The following RIMKLA variants were observed in gnomAD, a reference collection of about 807,000 sequenced individuals.
RIMKLA encodes the protein ribosomal modification protein rimK like family member A, also known as N-acetylaspartylglutamate synthase A.
RIMKLA carries 14 observed loss-of-function variants against 32.7 expected under a neutral mutation model. The ratio of observed to expected loss-of-function variants is 0.43; its 90% CI spans 0.28 to 0.67. The LOEUF is 0.67. Ranked by LOEUF, RIMKLA falls within the 30% of genes least tolerant of loss-of-function variation. RIMKLA has a pLI of 0.18. For missense variants in RIMKLA, 410 were observed against 519.0 expected (o/e 0.79, Z 2.04); for synonymous variants, 176 against 204.1 (o/e 0.86, Z 1.18).
At chr1:42,392,638 G>A (rs1643009138) in intron 1 of RIMKLA, among the ~76,000 whole-genome samples, 5 of 152,110 alleles carry the variant, frequency 3.3e-5, no homozygotes, top group Admixed American at 2.6e-4. Flanking sequence ...CATGCCCCTG[G>A]AGCAGCCTTA....
At chr1:42,391,135 A>G (rs1413411313) in intron 1 of RIMKLA, among the ~76,000 whole-genome samples, 1 of 152,198 alleles carries the variant, frequency 6.6e-6, no homozygotes, top group Non-Finnish European at 1.5e-5. Flanking sequence ...CACAAAGTCT[A>G]GAATGTAACC....
At chr1:42,401,792 C>G (rs1225630445) in intron 2 of RIMKLA, among the ~76,000 whole-genome samples, 7 of 152,074 alleles carry the variant, frequency 4.6e-5, no homozygotes. Context: ...GATGCAGGGT[C>G]AAAGAATAGG....
chr1:42,393,619 G>T (rs771843451), intron 1 of RIMKLA, among the ~76,000 whole-genome samples: 27 of 126,704 alleles, frequency 2.1e-4, no homozygotes, highest in Non-Finnish European at 4.2e-4. Flanking sequence ...GCATCTACTT[G>T]TTAAAAATAA....
intron 3 of RIMKLA, among the ~76,000 whole-genome samples, chr1:42,409,089 C>G (rs760294957): frequency 1.3e-4 from 20 of 151,216 alleles, no homozygotes; most frequent in Non-Finnish European, 2.8e-4. Flanking sequence ...GTAATCCCAG[C>G]TACTCCAGAG....
At chr1:42,385,763 C>T (rs58337196) in intron 1 of RIMKLA, among the ~76,000 whole-genome samples, 3 of 92,564 alleles carry the variant, frequency 3.2e-5, no homozygotes, top group Non-Finnish European at 2.4e-5. Context: ...TTCTTTCTTT[C>T]TTTCTTTGTT....
At chr1:42,411,647 ATTAT>A (rs199789074) in intron 4 of RIMKLA, among the ~76,000 whole-genome samples, 2,590 of 144,182 alleles carry the variant, frequency 0.018, 71 homozygotes, top group African/African-American at 0.053. Context: ...TTTTATTTTT[ATTAT>A]TTATTTATTT....
rs1171986843 is a variant in RIMKLA, at chr1:42,399,605, G to T, written c.365G>T (p.Gly122Val). Reference protein sequence around the residue: ...FWTFQELAGHGVPMPDTFSYG... With the variant: ...FWTFQELAGHVVPMPDTFSYG... ...ACGTTCCAAGAACTGGCTGGACATG[G>T]GGTCCCCATGCCAGACACCTTCTCC... is the stretch of plus-strand genomic sequence containing the variant. Residue 122 changes from glycine (G) to valine (V), a missense_variant, in exon 2 of 5, where the codon GGG becomes GTG. Physicochemically the swap from Gly to Val is moderately radical, Grantham distance 109 (BLOSUM62 -3). Transcript: ENST00000431473. 1 of 1,610,408 alleles carries T rather than the reference G, an allele frequency of 6.2e-7. No individual in the cohort carries two copies. The highest frequency in any genetic ancestry group is 8.5e-7 in the Non-Finnish European group (1 of 1,178,408).
Position 42,417,035 on chromosome 1 carries a change from T to C in RIMKLA, c.*2061T>C, listed in dbSNP as rs773665118. On this transcript the variant is annotated 3_prime_UTR_variant, in exon 5 of 5. Transcript: ENST00000431473. ...AGGGTGGCTTTAAAAGACGGACAGC[T>C]TTAGGTTTGTTCTCACTGGAACTGG... 2 of 152,244 alleles carry C rather than the reference T, an allele frequency of 1.3e-5. No individual in the cohort carries two copies. Among genetic ancestry groups the C allele is most frequent in the African/African-American group, 2.4e-5 (1 of 41,466 alleles). 9.4% of individuals were successfully genotyped at this position (152,244 alleles called of 1,614,324 possible). A position where few individuals can be genotyped will look rare whatever the true frequency, so the allele number is the denominator to read the frequency against.
At chr1:42,412,676 C>T in intron 4 of RIMKLA, 1 of 480,614 alleles carries the variant, frequency 2.1e-6, no homozygotes, top group Non-Finnish European at 4.1e-6. Context: ...TATGCTTTGT[C>T]ATCAGTTAGA....
At position 42,404,555 on chromosome 1, in the gene RIMKLA, C is replaced by G. The variant is rs767201729; in HGVS notation, c.439C>G (p.Leu147Val). Residue 147 changes from leucine (L) to valine (V), a missense_variant, in exon 3 of 5, where the codon CTG becomes GTG. Leu to Val is a conservative substitution (Grantham distance 32). Coordinates refer to ENST00000431473, the MANE Select transcript of RIMKLA (RefSeq NM_173642.4). ...AAAAATGATTGATGAAGCTGAGCCC[C>G]TGGGCTACCCAGTCGTGGTGAAGAG... is the stretch of plus-strand genomic sequence containing the variant. ...FSKMIDEAEP[L>V]GYPVVVKSTR... is the part of the protein sequence containing the mutation. 6.2e-6 allele frequency: 10 copies of G among 1,613,616 alleles called. No individual in the cohort carries two copies. Among genetic ancestry groups the G allele is most frequent in the African/African-American group, 2.7e-5 (2 of 74,914 alleles).
intron 1 of RIMKLA, among the ~76,000 whole-genome samples, chr1:42,392,003 A>G (rs1006584124): frequency 6.6e-6 from 1 of 152,156 alleles, no homozygotes; most frequent in Admixed American, 6.5e-5. Context: ...TGTTGTTTCA[A>G]CTTCTTGAAG....
At chr1:42,397,571 T>A (rs901564445) in intron 1 of RIMKLA, among the ~76,000 whole-genome samples, 11 of 152,036 alleles carry the variant, frequency 7.2e-5, no homozygotes, top group Admixed American at 2.6e-4. Flanking sequence ...AAATTTTTTT[T>A]AAAATTGGCC....
At chr1:42,391,465 C>T (rs1213475565) in intron 1 of RIMKLA, among the ~76,000 whole-genome samples, 2 of 151,792 alleles carry the variant, frequency 1.3e-5, no homozygotes, top group Admixed American at 6.6e-5. Flanking sequence ...TAATCTGTGG[C>T]GAGAGGGGAG....
In RIMKLA at chr1:42,414,968, T is replaced by G. The variant is rs758313352; in HGVS notation, c.1170T>G (p.Leu390=). The G allele has an allele frequency of 6.2e-7, 1 of 1,602,000 alleles. No homozygotes were observed. Residue 390 remains leucine (L), a synonymous_variant, in exon 5 of 5, where the codon CTT becomes CTG. Coordinates refer to ENST00000431473, the MANE Select transcript of RIMKLA (RefSeq NM_173642.4). ...ACAGGATTGCTTCTGAGTTAAAACT[T>G]AAGTGAATTCCTGCTTTTTGGCAGC... ...INNRIASELK[L]K
At chr1:42,404,461 C>T in intron 2 of RIMKLA, 50 bp from the exon 3 acceptor site, 2 of 1,294,498 alleles carry the variant, frequency 1.5e-6, no homozygotes, top group South Asian at 2.4e-5. Context: ...GGGGTGACCG[C>T]TACCTGACTA....
chr1:42,392,379 G>A (rs2148386327), intron 1 of RIMKLA, among the ~76,000 whole-genome samples: 1 of 152,306 alleles, frequency 6.6e-6, no homozygotes, highest in East Asian at 1.9e-4. Flanking sequence ...TAACAACTGT[G>A]TGTTGTCTGT....
rs139965970 is a variant in RIMKLA, at chr1:42,384,657, A to T, written c.163+3560A>T. 4.7e-3 allele frequency among the ~76,000 whole-genome samples: 707 copies of T among 149,632 alleles called. 3 individuals are homozygous for T. Among genetic ancestry groups the T allele is most frequent in the African/African-American group, 0.016 (635 of 40,584 alleles). ...GTGTATATATATATATATAGTGTTT[A>T]TTCTGTGCTGGGCATAGGTTTAGCT... On this transcript the variant is annotated intron_variant, in intron 1 of 4. Coordinates refer to ENST00000431473, the MANE Select transcript of RIMKLA (RefSeq NM_173642.4).
chr1:42,392,531 C>A (rs145254508), intron 1 of RIMKLA, among the ~76,000 whole-genome samples: 58 of 152,298 alleles, frequency 3.8e-4, no homozygotes, highest in African/African-American at 1.4e-3. Flanking sequence ...CGGCTTCTGA[C>A]TACCAGCACC....
rs1179167016 is a variant in RIMKLA at position 42,416,663 on chromosome 1, C to A, written c.*1689C>A. On this transcript the variant is annotated 3_prime_UTR_variant, in exon 5 of 5. Coordinates refer to ENST00000431473, the MANE Select transcript of RIMKLA (RefSeq NM_173642.4). ...ATACATCTTCCCAAGGTGACTACTT[C>A]AAAGGCAACACTACCCATTCGGGTG... The A allele has an allele frequency of 1.3e-5, 2 of 152,240 alleles. No individual in the cohort carries two copies. The highest frequency in any genetic ancestry group is 2.4e-5 in the African/African-American group (1 of 41,456). 9.4% of individuals were successfully genotyped at this position (152,240 alleles called of 1,614,324 possible).
Sources: gnomAD v4.1 joint callset for allele counts (sites outside exome capture counted in the v4.1 genomes callset) on GRCh38, gnomAD v4.1.1 for gene constraint, MANE v1.5 for transcripts, NCBI Gene and HGNC (gene_info 2026-07-23, HGNC 2026-07-21) for gene names.